Variants in TAFA2 observed in about 807,000 individuals in gnomAD.
TAFA2 encodes the protein chemokine-like protein TAFA-2.
In TAFA2, 7 loss-of-function variants were observed where a neutral mutation model predicts 18.8. That is an observed-to-expected ratio of 0.37 (90% CI 0.21 to 0.70). The LOEUF (loss-of-function observed/expected upper bound fraction) is 0.70. TAFA2 is among the 30% of genes least tolerant of loss of function. The probability of loss-of-function intolerance (pLI) is 0.53; values close to 1 mark genes in which losing one functional copy is unlikely to be tolerated. For missense variants in TAFA2, 122 were observed against 158.1 expected, an observed-to-expected ratio of 0.77 and a Z score of 1.23; for synonymous variants, 60 against 54.2, an observed-to-expected ratio of 1.11 and a Z score of -0.47.
intron 1 of TAFA2, chr12:62,070,348 A>G (rs953112059): frequency 6.6e-6 from 1 of 152,236 alleles, no homozygotes; most frequent in African/African-American, 2.4e-5. Flanking sequence ...TGAGACACAT[A>G]GTGAAAAATG....
chr12:61,986,654 T>A (rs1399820191), intron 1 of TAFA2, among the ~76,000 whole-genome samples: 2 of 145,444 alleles, frequency 1.4e-5, no homozygotes, highest in African/African-American at 2.6e-5. Context: ...GAGACTTAGT[T>A]AAAAAAAAAA....
chr12:62,061,501 C>G (rs563869887), intron 1 of TAFA2, among the ~76,000 whole-genome samples: 18 of 152,286 alleles, frequency 1.2e-4, no homozygotes, highest in Admixed American at 9.2e-4. Context: ...CCTAACAGCG[C>G]ATTTTTTCAG....
chr12:61,885,624 CTCTT>C (rs1208879384), intron 1 of TAFA2, among the ~76,000 whole-genome samples: 1 of 152,188 alleles, frequency 6.6e-6, no homozygotes, highest in African/African-American at 2.4e-5. Context: ...TCTGGACTAA[CTCTT>C]TCTGTGTGAA....
At chr12:62,083,627 T>C (rs2136823311) in intron 1 of TAFA2, among the ~76,000 whole-genome samples, 1 of 152,326 alleles carries the variant, frequency 6.6e-6, no homozygotes, top group East Asian at 1.9e-4. Flanking sequence ...TGAACATCAT[T>C]TACAAATAAA....
intron 1 of TAFA2, among the ~76,000 whole-genome samples, chr12:62,215,680 G>GTTTCTCTTGCTTAAGAGAAAC (rs1555198731): frequency 1.2e-5 from 1 of 80,800 alleles, no homozygotes; most frequent in Non-Finnish European, 2.4e-5. Flanking sequence ...TTAAGAGGAA[G>GTTTCTCTTGCTTAAGAGAAAC]AACTTGTTTC....
chr12:61,898,470 A>C (rs115937150), intron 1 of TAFA2, among the ~76,000 whole-genome samples: 158 of 152,226 alleles, frequency 1.0e-3, no homozygotes, highest in Middle Eastern at 0.01. Context: ...CATCCTCCGA[A>C]ATCTATGCGG....
rs141398686 is a variant in TAFA2 at position 61,756,346 on chromosome 12, A to C, written c.107-1322T>G. ...TTGATTCAAACACAAATCTATCTCT[A>C]TGAAAGCAAAAAAATAAGAGGCAGA... On this transcript the variant is annotated intron_variant, in intron 2 of 4. Coordinates refer to ENST00000416284, the MANE Select transcript of TAFA2 (RefSeq NM_178539.5). 5.3e-5 allele frequency among the ~76,000 whole-genome samples: 8 copies of C among 152,248 alleles called. No individual in the cohort carries two copies. The East Asian group carries it at 1.6e-3, about 30-fold the overall frequency.
chr12:61,915,069 G>A (rs779732199), intron 1 of TAFA2, among the ~76,000 whole-genome samples: 2 of 152,182 alleles, frequency 1.3e-5, no homozygotes, highest in Non-Finnish European at 2.9e-5. Flanking sequence ...GCTGAGGCAG[G>A]AGAATTGCTT....
At chr12:61,727,961 T>C (rs1870249516) in intron 4 of TAFA2, among the ~76,000 whole-genome samples, 1 of 151,986 alleles carries the variant, frequency 6.6e-6, no homozygotes, top group African/African-American at 2.4e-5. Flanking sequence ...CTGGATTTCA[T>C]TGTTGACCCA....
chr12:62,096,964 ATCTC>A (rs998241437), intron 1 of TAFA2, among the ~76,000 whole-genome samples: 2 of 151,952 alleles, frequency 1.3e-5, no homozygotes, highest in African/African-American at 4.8e-5. Context: ...CATTTTGCAT[ATCTC>A]TCTCTCTCTT....
At chr12:62,102,149 C>G (rs1368580042) in intron 1 of TAFA2, among the ~76,000 whole-genome samples, 1 of 152,190 alleles carries the variant, frequency 6.6e-6, no homozygotes, top group East Asian at 1.9e-4. Context: ...TTTCATTATA[C>G]TTGTGCTTTG....
intron 1 of TAFA2, among the ~76,000 whole-genome samples, chr12:62,205,986 T>A (rs932216617): frequency 6.6e-6 from 1 of 152,168 alleles, no homozygotes. Context: ...CTTTTCCCCA[T>A]GCGGCTCCCA....
At chr12:61,771,115 C>T (rs950513207) in intron 2 of TAFA2, among the ~76,000 whole-genome samples, 50 of 151,746 alleles carry the variant, frequency 3.3e-4, no homozygotes, top group African/African-American at 7.3e-5. Flanking sequence ...CAGACAAAAC[C>T]GACTGTAAAT....
intron 1 of TAFA2, among the ~76,000 whole-genome samples, chr12:61,914,957 G>A (rs569481731): frequency 6.6e-6 from 1 of 152,302 alleles, no homozygotes; most frequent in Non-Finnish European, 1.5e-5. Flanking sequence ...GAGGTCAGGA[G>A]TTCAAGACCA....
intron 1 of TAFA2, among the ~76,000 whole-genome samples, chr12:61,924,755 T>C (rs1301484653): frequency 6.6e-6 from 1 of 152,138 alleles, no homozygotes; most frequent in African/African-American, 2.4e-5. Context: ...ATCTCAAAAG[T>C]AAATGGGCTA....
chr12:61,754,319 T>A (rs7979216), intron 3 of TAFA2, among the ~76,000 whole-genome samples: 56,371 of 151,364 alleles, frequency 0.37, 10,629 homozygotes, highest in African/African-American at 0.45. Context: ...TTACTATTTA[T>A]GGTAACATCA....
intron 1 of TAFA2, among the ~76,000 whole-genome samples, chr12:62,026,396 G>C (rs1881311953): frequency 6.6e-6 from 1 of 152,052 alleles, no homozygotes; most frequent in South Asian, 2.1e-4. Flanking sequence ...ACCCATGATG[G>C]ATTTGCTTTT....
chr12:61,889,538 A>G (rs1565670697), intron 1 of TAFA2, among the ~76,000 whole-genome samples: 1 of 152,252 alleles, frequency 6.6e-6, no homozygotes, highest in Non-Finnish European at 1.5e-5. Flanking sequence ...TTCTCAAAAA[A>G]TGAGTGATGA....
chr12:62,044,494 C>T (rs908135962), intron 1 of TAFA2, among the ~76,000 whole-genome samples: 3 of 152,034 alleles, frequency 2.0e-5, no homozygotes, highest in African/African-American at 4.8e-5. Flanking sequence ...AAAGAAAGCC[C>T]GCATAACCTG....
Sources: gnomAD v4.1 joint callset for allele counts (sites outside exome capture counted in the v4.1 genomes callset) on GRCh38, gnomAD v4.1.1 for gene constraint, MANE v1.5 for transcripts, NCBI Gene and HGNC (gene_info 2026-07-23, HGNC 2026-07-21) for gene names.